ANO4: variants seen among roughly 807,000 people sequenced by gnomAD.
ANO4 encodes the protein anoctamin-4.
Under a neutral mutation model 141.9 loss-of-function variants are expected in ANO4, and 69 were observed. That is an observed-to-expected ratio of 0.49 (90% CI 0.40 to 0.59). ANO4 has a LOEUF of 0.59. ANO4 is among the 20% of genes least tolerant of loss of function. The probability of loss-of-function intolerance (pLI) is 0.00; values close to 1 mark genes in which losing one functional copy is unlikely to be tolerated. For synonymous variants in ANO4, 350 were observed against 394.3 expected, an observed-to-expected ratio of 0.89 and a Z score of 1.33; for missense variants, 894 against 1,162.2, an observed-to-expected ratio of 0.77 and a Z score of 3.36.
At chr12:101,033,110 A>T (rs868782163) in intron 9 of ANO4, among the ~76,000 whole-genome samples, 3 of 152,246 alleles carry the variant, frequency 2.0e-5, no homozygotes, top group Non-Finnish European at 4.4e-5. Flanking sequence ...AATGTGGCAC[A>T]TATACACCAT....
At chr12:100,827,556 A>C (rs1468856377) in intron 1 of ANO4, among the ~76,000 whole-genome samples, 2 of 151,948 alleles carry the variant, frequency 1.3e-5, no homozygotes, top group Non-Finnish European at 2.9e-5. Flanking sequence ...TAATGCCTGC[A>C]TAGTAGGAGC....
intron 1 of ANO4, among the ~76,000 whole-genome samples, chr12:100,847,597 G>A (rs544389640): frequency 1.3e-4 from 19 of 151,084 alleles, no homozygotes; most frequent in African/African-American, 4.4e-4. Context: ...TCAGCCTCCC[G>A]AGTAGCTGGG....
intron 1 of ANO4, among the ~76,000 whole-genome samples, chr12:100,854,355 CTTG>C (rs551909608): frequency 3.3e-5 from 5 of 152,128 alleles, no homozygotes; most frequent in East Asian, 3.9e-4. Context: ...TGCAGTTTTA[CTTG>C]TTGTGTTAGC....
At chr12:100,726,757 T>C (rs1421474383) in intron 1 of ANO4, among the ~76,000 whole-genome samples, 2 of 152,112 alleles carry the variant, frequency 1.3e-5, no homozygotes, top group African/African-American at 4.8e-5. Context: ...AAAGTGGCCC[T>C]GGTTAAAGGA....
At chr12:100,898,002 C>T (rs915367714) in intron 1 of ANO4, among the ~76,000 whole-genome samples, 1 of 152,206 alleles carries the variant, frequency 6.6e-6, no homozygotes, top group South Asian at 2.1e-4. Context: ...CATTAGACTG[C>T]ATGGTATAGT....
At chr12:100,781,057 T>G (rs2033696392) in intron 3 of ANO4, among the ~76,000 whole-genome samples, 1 of 152,210 alleles carries the variant, frequency 6.6e-6, no homozygotes, top group Admixed American at 6.5e-5. Context: ...TAGATTCTCT[T>G]AAACATTCCG....
At chr12:101,120,136 T>A (rs1333226355) in intron 25 of ANO4, among the ~76,000 whole-genome samples, 1 of 152,194 alleles carries the variant, frequency 6.6e-6, no homozygotes, top group Non-Finnish European at 1.5e-5. Flanking sequence ...TTTTCTTGAC[T>A]TCCTTCTCAA....
At chr12:101,039,929 C>T (rs1485725058) in intron 10 of ANO4, 26 bp from the exon 11 acceptor site, 1 of 1,602,190 alleles carries the variant, frequency 6.2e-7, no homozygotes, top group Non-Finnish European at 8.5e-7. Flanking sequence ...AGTACTACCT[C>T]ACTGGCAGTG....
At chr12:100,975,991 A>G (rs1055095701) in intron 7 of ANO4, among the ~76,000 whole-genome samples, 2 of 147,266 alleles carry the variant, frequency 1.4e-5, no homozygotes, top group Non-Finnish European at 3.0e-5. Context: ...TATACTTTGT[A>G]TCCTCCGAAA....
chr12:100,835,620 T>G (rs558052388), intron 1 of ANO4, among the ~76,000 whole-genome samples: 1 of 152,290 alleles, frequency 6.6e-6, no homozygotes, highest in African/African-American at 2.4e-5. Flanking sequence ...ATTTAGGGGT[T>G]TGATTTACTG....
At chr12:100,836,215 G>A (rs1254808189) in intron 1 of ANO4, among the ~76,000 whole-genome samples, 2 of 152,028 alleles carry the variant, frequency 1.3e-5, no homozygotes, top group African/African-American at 4.8e-5. Context: ...TGATCTGTTA[G>A]GGATTTAGAA....
intron 5 of ANO4, among the ~76,000 whole-genome samples, chr12:100,961,192 C>A (rs1487468881): frequency 6.6e-6 from 1 of 152,166 alleles, no homozygotes; most frequent in African/African-American, 2.4e-5. Flanking sequence ...GTAGTTAAAT[C>A]ATCTTTAGGT....
intron 2 of ANO4, among the ~76,000 whole-genome samples, chr12:100,904,911 G>A (rs1347302248): frequency 6.6e-6 from 1 of 152,200 alleles, no homozygotes; most frequent in Non-Finnish European, 1.5e-5. Flanking sequence ...AGAAGTAATG[G>A]TGAGAATTTA....
Position 100,806,640 on chromosome 12 carries a change from G to A in ANO4, c.-141+11613G>A, listed in dbSNP as rs201481413. 7.0e-5 allele frequency among the ~76,000 whole-genome samples: 10 copies of A among 142,048 alleles called. No homozygotes were observed. The East Asian group carries it at 2.3e-3, about 33-fold the overall frequency. The allele number at this position is 142,048 out of a possible 152,430, so 93.2% of individuals were successfully genotyped here. ...GCTCACTGCAACCTCCGCCTCCTGGGTTCAAGCAATTCTCCTGCCTCAGCC... is the reference window on the plus strand; with the variant it reads ...GCTCACTGCAACCTCCGCCTCCTGGATTCAAGCAATTCTCCTGCCTCAGCC... On this transcript the variant is annotated intron_variant, in intron 1 of 27. Transcript: ENST00000392977.
chr12:101,112,118 T>C (rs150370009), intron 24 of ANO4, among the ~76,000 whole-genome samples: 79 of 152,296 alleles, frequency 5.2e-4, no homozygotes, highest in Admixed American at 7.8e-4. Context: ...ACAATCTGAT[T>C]TACATTGTGT....
chr12:101,078,420 T>C (rs2049111550), intron 14 of ANO4, among the ~76,000 whole-genome samples: 1 of 152,214 alleles, frequency 6.6e-6, no homozygotes, highest in Non-Finnish European at 1.5e-5. Context: ...ATTTTCTCTC[T>C]GTTTCTCTTT....
At chr12:100,922,137 T>C in intron 2 of ANO4, 89 bp from the exon 3 acceptor site, 1 of 876,680 alleles carries the variant, frequency 1.1e-6, no homozygotes, top group Non-Finnish European at 1.6e-6. Flanking sequence ...CCATTCACTT[T>C]GGATTTTGAC....
rs138479356 is a variant in ANO4 at position 100,974,316 on chromosome 12, C to G, written c.558-529C>G. On this transcript the variant is annotated intron_variant, in intron 6 of 27. Transcript: ENST00000392977. ...ATGTACAGCTGGGTGTTGATGCTGA[C>G]AAGTGAGTGTCCTTCCCATACTGGT... Among the ~76,000 whole-genome samples the G allele has an allele frequency of 5.3e-5, 8 of 152,146 alleles. No homozygotes were observed. In the East Asian group the frequency reaches 1.5e-3, roughly 29 times the overall value.
intron 3 of ANO4, among the ~76,000 whole-genome samples, chr12:100,765,805 A>G (rs1410700633): frequency 6.6e-6 from 1 of 151,584 alleles, no homozygotes; most frequent in African/African-American, 2.4e-5. Context: ...GTTTTGATAT[A>G]TGAATACATT....
Sources: allele counts gnomAD v4.1 joint callset (sites outside exome capture counted in the v4.1 genomes callset), GRCh38; gene constraint gnomAD v4.1.1; transcripts MANE v1.5; gene names NCBI Gene and HGNC (gene_info 2026-07-23, HGNC 2026-07-21).